The following AKR1C2 variants were observed in gnomAD, a reference collection of about 807,000 sequenced individuals.
AKR1C2 encodes aldo-keto reductase family 1 member C2.
A neutral mutation model predicts 39.8 loss-of-function variants in AKR1C2; 27 were observed. That is an observed-to-expected ratio of 0.68 (90% CI 0.50 to 0.93). The LOEUF (loss-of-function observed/expected upper bound fraction) is 0.93, where lower values mean the gene tolerates loss of function less well. Ranked by LOEUF, AKR1C2 falls within the 40% of genes least tolerant of loss-of-function variation. The pLI is 0.00. For synonymous variants in AKR1C2, 114 were observed against 137.9 expected (o/e 0.83, Z 1.22); for missense variants, 263 against 365.1 (o/e 0.72, Z 2.28).
rs1432217074 is a variant in AKR1C2, at chr10:4,998,695, T to C, written c.500A>G (p.Asn167Ser). 1.2e-6 allele frequency: 2 copies of C among 1,614,046 alleles called. No individual in the cohort carries two copies. Among genetic ancestry groups the C allele is most frequent in the Admixed American group, 1.7e-5 (1 of 60,000 alleles). ...CATCTCCAGCAGCCTGTGGTTGAAG[T>C]TGGACACCCCGATGGACTTGGCCAA... ...AGLAKSIGVS[N>S]FNHRLLEMIL... is the part of the protein sequence containing the mutation. Residue 167 changes from asparagine to serine, a missense_variant, in exon 5 of 9, where the codon AAC (asparagine) becomes AGC (serine). By Grantham distance (46) the Asn-to-Ser change is conservative (BLOSUM62 1). Transcript: ENST00000380753.
chr10:5,014,146 A>T (rs1937892), intron 1 of AKR1C2, among the ~76,000 whole-genome samples: 17 of 148,550 alleles, frequency 1.1e-4, no homozygotes, highest in Admixed American at 1.1e-3. Flanking sequence ...TTGTGAATAG[A>T]ATTATTATGA....
chr10:4,999,516 A>G (rs1223104398), intron 3 of AKR1C2: 18 of 722,222 alleles, frequency 2.5e-5, no homozygotes, highest in Non-Finnish European at 3.6e-5. Flanking sequence ...TCTGGTTCCT[A>G]ATGGAGTGTC....
intron 7 of AKR1C2, among the ~76,000 whole-genome samples, chr10:4,994,736 G>A (rs1483905934): frequency 2.9e-4 from 44 of 149,940 alleles, no homozygotes; most frequent in Non-Finnish European, 5.3e-4. Context: ...ACTGAGTTTA[G>A]GCTGAGCCCA....
upstream of AKR1C2, chr10:5,003,867 T>C: frequency 1.9e-6 from 3 of 1,613,548 alleles, no homozygotes; most frequent in Non-Finnish European, 2.5e-6. Context: ...CAAATGTTTC[T>C]TCCTCCCTCA....
In AKR1C2 at chr10:4,999,401, G is replaced by C. The variant is rs1554773579; in HGVS notation, c.370-124C>G. Reference sequence around the variant, plus strand: ...TAGGTGATGCAGCGCTCCAGAGAGTGGTATGTACAAAGTGTACTACATATG... The same window carrying C: ...TAGGTGATGCAGCGCTCCAGAGAGTCGTATGTACAAAGTGTACTACATATG... On this transcript the variant is annotated intron_variant, in intron 3 of 8. Coordinates refer to ENST00000380753, the MANE Select transcript of AKR1C2 (RefSeq NM_001393392.1). The C allele has an allele frequency of 5.0e-6, 8 of 1,602,150 alleles. No individual in the cohort carries two copies. The South Asian group carries it at 9.0e-5, about 18-fold the overall frequency.
chr10:5,011,306 G>A (rs1837517886), intron 1 of AKR1C2, among the ~76,000 whole-genome samples: 1 of 152,236 alleles, frequency 6.6e-6, no homozygotes, highest in Non-Finnish European at 1.5e-5. Context: ...AAGGCTGGGA[G>A]GCTGGGAAAT....
At chr10:4,992,523 AAGAG>A (rs1343899097) in intron 7 of AKR1C2, among the ~76,000 whole-genome samples, 1 of 152,184 alleles carries the variant, frequency 6.6e-6, no homozygotes, top group South Asian at 2.1e-4. Flanking sequence ...AAATGAGAGA[AAGAG>A]AGTAAAAAAT....
chr10:5,016,504 A>G (rs1837642175), intron 1 of AKR1C2, among the ~76,000 whole-genome samples: 1 of 152,222 alleles, frequency 6.6e-6, no homozygotes, highest in African/African-American at 2.4e-5. Flanking sequence ...TCAAGGCCAC[A>G]CTAATGCAAG....
At position 5,012,319 on chromosome 10, in the gene AKR1C2, T is replaced by C. The variant is rs113328234; in HGVS notation, c.-88+5581A>G. 4.4e-3 allele frequency among the ~76,000 whole-genome samples: 668 copies of C among 152,094 alleles called. 6 individuals are homozygous for C. The highest frequency in any genetic ancestry group is 0.015 in the African/African-American group (630 of 41,442). On this transcript the variant is annotated intron_variant, in intron 1 of 6. Coordinates refer to the AKR1C2 transcript ENST00000604507. ...CCCTGCCCTGCCAATAACTCATGCC[T>C]TTATCTTTGGAAGCTGTGACTATGT...
chr10:4,988,189 C>T lies in AKR1C2; in HGVS notation c.*1807G>A, dbSNP rs1214786993. On this transcript the variant is annotated 3_prime_UTR_variant, in exon 9 of 9. Transcript: ENST00000380753. ...TGCTTAAGCGTTACACACTTGGCTA[C>T]GAAGTTTTAACAAAATGTCAATCTT... The T allele has an allele frequency of 5.3e-5, 8 of 152,134 alleles. No individual in the cohort carries two copies. The highest frequency in any genetic ancestry group is 2.1e-4 in the South Asian group (1 of 4,832). 9.4% of individuals were successfully genotyped at this position (152,134 alleles called of 1,614,324 possible).
chr10:5,016,143 C>T (rs1346912234), intron 1 of AKR1C2, among the ~76,000 whole-genome samples: 8 of 152,258 alleles, frequency 5.3e-5, no homozygotes, highest in Admixed American at 1.3e-4. Context: ...CATATCACTC[C>T]GCCCCAGCCC....
chr10:5,006,282 A>G (rs1202522051), upstream of AKR1C2, among the ~76,000 whole-genome samples: 2 of 152,238 alleles, frequency 1.3e-5, no homozygotes, highest in African/African-American at 4.8e-5. Context: ...ATAAAGTCAA[A>G]GAGACTCAGA....
chr10:4,992,428 A>G (rs1313920112), intron 7 of AKR1C2, among the ~76,000 whole-genome samples: 1 of 152,186 alleles, frequency 6.6e-6, no homozygotes, highest in African/African-American at 2.4e-5. Flanking sequence ...GGGAGACTCT[A>G]AATATCAAAA....
At chr10:4,991,461 G>C (rs1554772237) in intron 8 of AKR1C2, among the ~76,000 whole-genome samples, 4 of 152,302 alleles carry the variant, frequency 2.6e-5, no homozygotes, top group African/African-American at 9.6e-5. Flanking sequence ...GGAAGAACAA[G>C]ATAGAAGCAC....
chr10:4,990,772 G>A (rs543921623), intron 8 of AKR1C2, among the ~76,000 whole-genome samples: 6 of 151,488 alleles, frequency 4.0e-5, no homozygotes, highest in South Asian at 2.1e-4. Flanking sequence ...CCATATTTGA[G>A]TTCTACAAAA....
chr10:5,001,137 G>A (rs868948875), intron 2 of AKR1C2, among the ~76,000 whole-genome samples: 1 of 152,042 alleles, frequency 6.6e-6, no homozygotes, highest in South Asian at 2.1e-4. Context: ...CTCTTATATC[G>A]CTTTCTCTCT....
At chr10:5,000,364 C>T (rs1554773697) in intron 3 of AKR1C2, 186 bp downstream of exon 3, 1 of 1,546,224 alleles carries the variant, frequency 6.5e-7, no homozygotes, top group Admixed American at 2.0e-5. Context: ...GACATGCAAT[C>T]ACGGAAGTAT....
rs4881373 is a variant in AKR1C2 at position 4,989,452 on chromosome 10, A to G, written c.*544T>C. 2 of 150,076 alleles carry G rather than the reference A, an allele frequency of 1.3e-5. No individual in the cohort carries two copies. Among genetic ancestry groups the G allele is most frequent in the Non-Finnish European group, 3.0e-5 (2 of 67,796 alleles). The allele number at this position is 150,076 out of a possible 1,614,324, so 9.3% of individuals were successfully genotyped here. On this transcript the variant is annotated 3_prime_UTR_variant, in exon 9 of 9. Transcript: ENST00000380753. ...ATCTCCCTAACCCCCCCTCACAGGG[A>G]TGCCTCCTCCCAAGGCTCCAGAAAC...
intron 1 of AKR1C2, among the ~76,000 whole-genome samples, chr10:5,016,817 C>T (rs1199901465): frequency 1.3e-5 from 2 of 152,234 alleles, no homozygotes; most frequent in African/African-American, 4.8e-5. Flanking sequence ...GCCTGGACGT[C>T]CATGCATTTT....
Sources: allele counts gnomAD v4.1 joint callset (sites outside exome capture counted in the v4.1 genomes callset), GRCh38; gene constraint gnomAD v4.1.1; transcripts MANE v1.5; gene names NCBI Gene and HGNC (gene_info 2026-07-23, HGNC 2026-07-21).